ZDHHC15: variants seen among roughly 807,000 people sequenced by gnomAD.
ZDHHC15 encodes the protein zDHHC palmitoyltransferase 15, also known as palmitoyltransferase ZDHHC15.
In ZDHHC15, 19 loss-of-function variants were observed where a neutral mutation model predicts 31.7. The observed-to-expected ratio is 0.60, with a 90% CI of 0.42 to 0.88. The LOEUF (loss-of-function observed/expected upper bound fraction) is 0.88, where lower values mean the gene tolerates loss of function less well. ZDHHC15 is among the 40% of genes least tolerant of loss of function. The pLI is 0.00. For synonymous variants in ZDHHC15, 103 were observed against 90.0 expected (o/e 1.14, Z -0.82); for missense variants, 209 against 251.2 (o/e 0.83, Z 1.14).
At position 75,505,353 on chromosome X, in the gene ZDHHC15, G is replaced by C. The variant is rs1022215393; in HGVS notation, c.163+468C>G. 3.6e-5 allele frequency among the ~76,000 whole-genome samples: 4 copies of C among 111,456 alleles called. No homozygotes were observed. The Admixed American group carries it at 3.9e-4, about 11-fold the overall frequency. On this transcript the variant is annotated intron_variant, in intron 2 of 11. Transcript: ENST00000373367. ...AAAAATGCCACAATCTCTTTAGAAA[G>C]GTAGTATATTTTGCAGGTCAAGCCA...
chrX:75,395,661 T>A (rs1283419147), intron 10 of ZDHHC15, among the ~76,000 whole-genome samples: 1 of 111,625 alleles, frequency 9.0e-6, no homozygotes, highest in Non-Finnish European at 1.9e-5. Context: ...AATATACCCA[T>A]GACATCCTTC....
chrX:75,398,888 G>T (rs1191952305), intron 10 of ZDHHC15, among the ~76,000 whole-genome samples: 1 of 111,998 alleles, frequency 8.9e-6, no homozygotes, highest in African/African-American at 3.2e-5. Context: ...TTTTTAAGCA[G>T]TTCCCAATCC....
At chrX:75,419,887 G>A (rs1344103154) in intron 9 of ZDHHC15, among the ~76,000 whole-genome samples, 3 of 94,364 alleles carry the variant, frequency 3.2e-5, no homozygotes, top group Non-Finnish European at 4.2e-5. Context: ...CTTATAGGCG[G>A]GAATTGAACA....
chrX:75,513,073 A>G (rs1477557369), intron 1 of ZDHHC15, among the ~76,000 whole-genome samples: 1 of 107,407 alleles, frequency 9.3e-6, no homozygotes, highest in Admixed American at 1.0e-4. Context: ...TGCTGGGAAA[A>G]CTGGCTAGCC....
intron 10 of ZDHHC15, among the ~76,000 whole-genome samples, chrX:75,399,236 T>A: frequency 9.0e-6 from 1 of 111,472 alleles, no homozygotes; most frequent in East Asian, 2.9e-4. Flanking sequence ...ACTAAGCTAG[T>A]ACCAACTCAG....
At chrX:75,476,618 GTTCC>G (rs1004332110) in intron 3 of ZDHHC15, among the ~76,000 whole-genome samples, 9 of 103,839 alleles carry the variant, frequency 8.7e-5, no homozygotes, top group Non-Finnish European at 1.4e-4. Flanking sequence ...CCCTTCCTTT[GTTCC>G]TTCCTTCTTT....
At chrX:75,419,792 C>T (rs1178599689) in intron 9 of ZDHHC15, among the ~76,000 whole-genome samples, 1 of 108,289 alleles carries the variant, frequency 9.2e-6, no homozygotes, top group African/African-American at 3.4e-5. Context: ...AGTTCATGTC[C>T]TTTGTAGGGA....
chrX:75,480,468 A>G (rs1042041218), intron 2 of ZDHHC15, among the ~76,000 whole-genome samples: 3 of 111,406 alleles, frequency 2.7e-5, no homozygotes, highest in African/African-American at 6.5e-5. Context: ...TAAAAGTAAT[A>G]TATTTATAAG....
chrX:75,379,321 A>C (rs1363980337), intron 10 of ZDHHC15, 123 bp from the exon 11 acceptor site: 12 of 648,320 alleles, frequency 1.9e-5, no homozygotes, highest in Non-Finnish European at 3.0e-5. Flanking sequence ...CAAACCTCTA[A>C]AGACTGATGT....
chrX:75,470,718 C>T (rs993912641), intron 3 of ZDHHC15, among the ~76,000 whole-genome samples: 4 of 111,184 alleles, frequency 3.6e-5, no homozygotes, highest in African/African-American at 6.5e-5. Context: ...AGTGGGTCCC[C>T]GGACTCATCT....
chrX:75,400,987 A>G (rs1011820917), intron 10 of ZDHHC15, among the ~76,000 whole-genome samples: 3 of 111,190 alleles, frequency 2.7e-5, no homozygotes, highest in African/African-American at 9.8e-5. Context: ...GGAGCACTAA[A>G]TATAGAAAGG....
chrX:75,504,417 T>G (rs1438045994), intron 2 of ZDHHC15, among the ~76,000 whole-genome samples: 1 of 111,787 alleles, frequency 8.9e-6, no homozygotes, highest in African/African-American at 3.2e-5. Flanking sequence ...AAATATAATT[T>G]GAAGATGAGC....
intron 3 of ZDHHC15, among the ~76,000 whole-genome samples, chrX:75,472,158 C>T (rs2147960885): frequency 9.0e-6 from 1 of 111,710 alleles, no homozygotes; most frequent in African/African-American, 3.3e-5. Flanking sequence ...CCATGGTCTC[C>T]ACTCCTGCCA....
chrX:75,427,125 A>C (rs1294347234), intron 7 of ZDHHC15, among the ~76,000 whole-genome samples: 1 of 111,754 alleles, frequency 8.9e-6, no homozygotes, highest in Non-Finnish European at 1.9e-5. Context: ...GGGGATATTC[A>C]ATTTAAACAG....
In ZDHHC15 at chrX:75,508,991, GTTGT is replaced by G. The variant is rs772477271; in HGVS notation, c.137-3148_137-3145del. 8.7e-4 allele frequency among the ~76,000 whole-genome samples: 97 copies of G among 111,108 alleles called. No individual in the cohort carries two copies. The Middle Eastern group carries it at 0.014, about 16-fold the overall frequency. The stretch of plus-strand genomic sequence containing the variant: ...TATCCTTCGCCCACTTTTTGATGGG[GTTGT>G]TTGTTTTTTTCTTGTAAATTTGTTT... On this transcript the variant is annotated intron_variant, in intron 1 of 11. Transcript: ENST00000373367.
At chrX:75,492,760 T>A (rs1261125810) in intron 2 of ZDHHC15, among the ~76,000 whole-genome samples, 1 of 111,479 alleles carries the variant, frequency 9.0e-6, no homozygotes, top group Non-Finnish European at 1.9e-5. Context: ...CATACCAGAA[T>A]CTCTGGGACA....
chrX:75,460,784 AG>A (rs2084300988), intron 3 of ZDHHC15, among the ~76,000 whole-genome samples: 1 of 112,002 alleles, frequency 8.9e-6, no homozygotes, highest in East Asian at 2.8e-4. Flanking sequence ...ACTTATTCAA[AG>A]GTCAGCAACC....
At chrX:75,449,592 C>A (rs978739875) in intron 4 of ZDHHC15, among the ~76,000 whole-genome samples, 4 of 111,957 alleles carry the variant, frequency 3.6e-5, no homozygotes, top group African/African-American at 1.3e-4. Context: ...AAAATCATAA[C>A]CACTATATTA....
intron 3 of ZDHHC15, among the ~76,000 whole-genome samples, chrX:75,461,182 G>A (rs980711893): frequency 1.8e-5 from 2 of 111,616 alleles, no homozygotes; most frequent in Non-Finnish European, 3.8e-5. Context: ...AGCAGAGGAA[G>A]GAATCTCAGA....
Sources: allele counts gnomAD v4.1 joint callset (sites outside exome capture counted in the v4.1 genomes callset), GRCh38; gene constraint gnomAD v4.1.1; transcripts MANE v1.5; gene names NCBI Gene and HGNC (gene_info 2026-07-23, HGNC 2026-07-21).